The following ZNF765 variants were observed in gnomAD, a reference collection of about 807,000 sequenced individuals.
ZNF765 encodes the protein zinc finger protein 765.
A neutral mutation model predicts 44.7 loss-of-function variants in ZNF765; 37 were observed. The ratio of observed to expected loss-of-function variants is 0.83; its 90% CI spans 0.64 to 1.09. The LOEUF (loss-of-function observed/expected upper bound fraction) is 1.09, where lower values mean the gene tolerates loss of function less well. ZNF765 is among the 50% of genes least tolerant of loss of function. ZNF765 has a pLI of 0.00. For synonymous variants in ZNF765, 201 were observed against 213.7 expected, an observed-to-expected ratio of 0.94 and a Z score of 0.52; for missense variants, 594 against 626.1, an observed-to-expected ratio of 0.95 and a Z score of 0.55.
chr19:53,422,697 C>G (rs2085914375), intron 3 of ZNF765, among the ~76,000 whole-genome samples: 2 of 152,122 alleles, frequency 1.3e-5, no homozygotes, highest in South Asian at 4.1e-4. Flanking sequence ...ACCTCAGCCC[C>G]CACCAAGTAC....
chr19:53,420,825 T>C (rs1304188724), intron 3 of ZNF765, among the ~76,000 whole-genome samples: 1 of 152,066 alleles, frequency 6.6e-6, no homozygotes, highest in Non-Finnish European at 1.5e-5. Context: ...CAATACCCTG[T>C]GGAAGGCCAC....
chr19:53,399,490 A>C (rs536255901), intron 2 of ZNF765, among the ~76,000 whole-genome samples: 2 of 151,908 alleles, frequency 1.3e-5, no homozygotes, highest in Non-Finnish European at 2.9e-5. Context: ...TTTAGAAAAA[A>C]TTATTCAATA....
rs2085825517 is a variant in ZNF765, at chr19:53,410,688, T to C, written c.*1561T>C. 2.2e-6 allele frequency: 1 copy of C among 452,796 alleles called. No homozygotes were observed. Among genetic ancestry groups the C allele is most frequent in the Admixed American group, 2.5e-5 (1 of 40,082 alleles). The allele number at this position is 452,796 out of a possible 1,614,324, so 28.0% of individuals were successfully genotyped here. ...AGAGATCATACTAGTTTAATAAATT[T>C]GGCAAATTTTTCAGACATTGTTCAT... On this transcript the variant is annotated 3_prime_UTR_variant, in exon 4 of 4. Coordinates refer to ENST00000396408, the MANE Select transcript of ZNF765 (RefSeq NM_001040185.3).
chr19:53,415,908 G>C (rs1468971498), downstream of ZNF765, among the ~76,000 whole-genome samples: 1 of 151,974 alleles, frequency 6.6e-6, no homozygotes, highest in Admixed American at 6.6e-5. Flanking sequence ...AGGACACATA[G>C]GACCCACCCA....
In ZNF765 at chr19:53,409,603, G is replaced by T; in HGVS notation, c.*476G>T. 1 of 1,460,420 alleles carries T rather than the reference G, an allele frequency of 6.8e-7. No individual in the cohort carries two copies. Among genetic ancestry groups the T allele is most frequent in the Non-Finnish European group, 9.6e-7 (1 of 1,045,186 alleles). The allele number at this position is 1,460,420 out of a possible 1,614,324, so 90.5% of individuals were successfully genotyped here. On this transcript the variant is annotated 3_prime_UTR_variant, in exon 4 of 4. Coordinates refer to ENST00000396408, the MANE Select transcript of ZNF765 (RefSeq NM_001040185.3). ...GAAAGACAAAGGAGAATTCATACTG[G>T]AGAGAAACCATACAAGTGTAATGAG...
chr19:53,395,505 A>AT, intron 1 of ZNF765, among the ~76,000 whole-genome samples: 1 of 152,266 alleles, frequency 6.6e-6, no homozygotes, highest in Non-Finnish European at 1.5e-5. Flanking sequence ...CGAGAGGTGA[A>AT]TTCCCTCCCT....
At chr19:53,397,028 A>G (rs1600044611) in intron 1 of ZNF765, among the ~76,000 whole-genome samples, 1 of 152,208 alleles carries the variant, frequency 6.6e-6, no homozygotes, top group Non-Finnish European at 1.5e-5. Flanking sequence ...TATTTCTAGA[A>G]CCACTCCTGT....
At chr19:53,413,599 GGT>G (rs1491377288), downstream of ZNF765, among the ~76,000 whole-genome samples, 10 of 65,334 alleles carry the variant, frequency 1.5e-4, no homozygotes, top group East Asian at 5.6e-4. Context: ...TTGCTTTTTA[GGT>G]TTTTTTTTTT....
rs1356069207 is a variant in ZNF765, at chr19:53,409,541, G to A, written c.*414G>A. ...CGTACTGGAGAGAAACCTTACAAAT[G>A]TGAAGAATTTGAGTTTTCCATTTCA... On this transcript the variant is annotated 3_prime_UTR_variant, in exon 4 of 4. Coordinates refer to ENST00000396408, the MANE Select transcript of ZNF765 (RefSeq NM_001040185.3). 37 of 1,094,524 alleles carry A rather than the reference G, an allele frequency of 3.4e-5. 1 individual carries two copies. The Admixed American group carries it at 4.3e-4, about 13-fold the overall frequency. The allele number at this position is 1,094,524 out of a possible 1,614,324, so 67.8% of individuals were successfully genotyped here.
chr19:53,409,148 AT>A lies in ZNF765; in HGVS notation c.*22del, dbSNP rs767777968. The A allele has an allele frequency of 6.3e-7, 1 of 1,585,498 alleles. No homozygotes were observed. Among genetic ancestry groups the A allele is most frequent in the Non-Finnish European group, 8.7e-7 (1 of 1,154,850 alleles). On this transcript the variant is annotated 3_prime_UTR_variant, in exon 4 of 4. Coordinates refer to ENST00000396408, the MANE Select transcript of ZNF765 (RefSeq NM_001040185.3). The stretch of plus-strand genomic sequence containing the variant: ...TGTAATGAGTGTGGTAAGACCTTCA[AT>A]CAGGAGTTAACCCTTACATGCCATC...
At chr19:53,396,069 G>A (rs2085665967) in intron 1 of ZNF765, among the ~76,000 whole-genome samples, 1 of 151,902 alleles carries the variant, frequency 6.6e-6, no homozygotes, top group South Asian at 2.1e-4. Context: ...GAGAGATGAA[G>A]GACAGAGAGC....
At chr19:53,396,950 C>T (rs2085677120) in intron 1 of ZNF765, among the ~76,000 whole-genome samples, 1 of 152,230 alleles carries the variant, frequency 6.6e-6, no homozygotes. Context: ...GTCACAATTG[C>T]TTCTATAGTT....
At chr19:53,414,504 C>T (rs867727166), downstream of ZNF765, among the ~76,000 whole-genome samples, 2 of 50,680 alleles carry the variant, frequency 3.9e-5, 1 homozygote, top group Non-Finnish European at 1.1e-4. Flanking sequence ...CCCCCCCCCC[C>T]CCCCCGGGGA....
At chr19:53,414,489 ACCCCCCCCCCCCC>A (rs1160212994), downstream of ZNF765, among the ~76,000 whole-genome samples, 27 of 5,098 alleles carry the variant, frequency 5.3e-3, no homozygotes, top group East Asian at 0.02. Context: ...ACACACACAC[ACCCCCCCCCCCCC>A]CCCCCCCGGG....
At position 53,408,047 on chromosome 19, in the gene ZNF765, T is replaced by C. The variant is rs1953266253; in HGVS notation, c.492T>C (p.Val164=). 1 of 1,614,062 alleles carries C rather than the reference T, an allele frequency of 6.2e-7. No individual in the cohort carries two copies. The highest frequency in any genetic ancestry group is 8.5e-7 in the Non-Finnish European group (1 of 1,180,026). The change falls in exon 4 of 4, where the codon GTT becomes GTC. Residue 164 remains valine, a synonymous_variant. Coordinates refer to ENST00000396408, the MANE Select transcript of ZNF765 (RefSeq NM_001040185.3). ...CTGAAGAGAAAATTGATAATCAAGTTGTGAAGTCTATCCACGATGCTTCCT... is the reference window on the plus strand; with the variant it reads ...CTGAAGAGAAAATTGATAATCAAGTCGTGAAGTCTATCCACGATGCTTCCT... ...FHTEEKIDNQ[V]VKSIHDASLV... is the part of the protein sequence containing the mutation.
chr19:53,406,840 A>T (rs1338689592), intron 3 of ZNF765, among the ~76,000 whole-genome samples: 1 of 152,172 alleles, frequency 6.6e-6, no homozygotes, highest in African/African-American at 2.4e-5. Flanking sequence ...GCTTGAACCC[A>T]AAAGGTGGAG....
In ZNF765 at chr19:53,408,326, C is replaced by A. The variant is rs371360141; in HGVS notation, c.771C>A (p.Tyr257Ter). 7.4e-6 allele frequency: 12 copies of A among 1,614,168 alleles called. No individual in the cohort carries two copies. The African/African-American group carries it at 1.5e-4, about 20-fold the overall frequency. Reference protein sequence around the residue: ...ICGKVFNSKRYVARHRRCHTG... With the variant: ...ICGKVFNSKR Reference sequence around the variant, plus strand: ...GCAAGGTCTTTAATTCGAAGCGATACGTTGCACGCCATCGTAGATGTCACA... The same window carrying A: ...GCAAGGTCTTTAATTCGAAGCGATAAGTTGCACGCCATCGTAGATGTCACA... Residue 257 changes from tyrosine (Y) to a stop codon, truncating the protein, a stop_gained, in exon 4 of 4, where the codon TAC (tyrosine) becomes TAA (stop). Coordinates refer to ENST00000396408, the MANE Select transcript of ZNF765 (RefSeq NM_001040185.3). LOFTEE classifies it high-confidence loss of function.
chr19:53,398,224 G>A (rs957058270), intron 2 of ZNF765, among the ~76,000 whole-genome samples, 194 bp downstream of exon 2: 1 of 152,174 alleles, frequency 6.6e-6, no homozygotes, highest in Non-Finnish European at 1.5e-5. Flanking sequence ...CTTGGGAAGA[G>A]GCTGCACTGG....
At chr19:53,421,172 C>T (rs1178198712) in intron 3 of ZNF765, among the ~76,000 whole-genome samples, 1 of 152,204 alleles carries the variant, frequency 6.6e-6, no homozygotes, top group African/African-American at 2.4e-5. Context: ...ACGTGCGCAT[C>T]AAAGCACAGC....
Sources: allele counts gnomAD v4.1 joint callset (sites outside exome capture counted in the v4.1 genomes callset), GRCh38; gene constraint gnomAD v4.1.1; transcripts MANE v1.5; gene names NCBI Gene and HGNC (gene_info 2026-07-23, HGNC 2026-07-21).